THSD4: variants seen among roughly 807,000 people sequenced by gnomAD.
The protein encoded by THSD4 is thrombospondin type 1 domain containing 4, also known as thrombospondin type-1 domain-containing protein 4.
In THSD4, 69 loss-of-function variants were observed where a neutral mutation model predicts 119.0. That is an observed-to-expected ratio of 0.58 (90% CI 0.48 to 0.71). The LOEUF (loss-of-function observed/expected upper bound fraction) is 0.71, where lower values mean the gene tolerates loss of function less well. THSD4 is among the 30% of genes least tolerant of loss of function. The pLI, the probability that THSD4 is intolerant of heterozygous loss-of-function variation, is 0.00. For synonymous variants in THSD4, 524 were observed against 540.4 expected, an observed-to-expected ratio of 0.97 and a Z score of 0.42; for missense variants, 1,393 against 1,391.1, an observed-to-expected ratio of 1.00 and a Z score of -0.02.
chr15:71,378,089 C>G (rs991067420), intron 6 of THSD4, among the ~76,000 whole-genome samples: 3 of 152,242 alleles, frequency 2.0e-5, no homozygotes, highest in African/African-American at 7.2e-5. Context: ...GGTACTGCAT[C>G]TAAGGGGATA....
intron 1 of THSD4, among the ~76,000 whole-genome samples, chr15:71,107,771 T>C (rs1180364624): frequency 6.6e-6 from 1 of 152,218 alleles, no homozygotes; most frequent in Non-Finnish European, 1.5e-5. Flanking sequence ...CTGAGGATGC[T>C]AATGGGGAAG....
intron 6 of THSD4, among the ~76,000 whole-genome samples, chr15:71,265,573 C>T (rs1171367828): frequency 1.3e-5 from 2 of 151,914 alleles, no homozygotes; most frequent in Non-Finnish European, 2.9e-5. Context: ...TTTTTTCGTA[C>T]CCCAGTGGCG....
intron 7 of THSD4, among the ~76,000 whole-genome samples, chr15:71,542,266 A>G (rs2048769154): frequency 6.6e-6 from 1 of 152,172 alleles, no homozygotes. Flanking sequence ...CCTCTAAAAT[A>G]TTTATGAATT....
intron 14 of THSD4, among the ~76,000 whole-genome samples, chr15:71,755,339 G>T (rs901381836): frequency 6.6e-6 from 1 of 152,210 alleles, no homozygotes; most frequent in Admixed American, 6.5e-5. Flanking sequence ...AAGACTAGAT[G>T]TCAGCATACA....
chr15:71,134,260 C>G (rs1391900887), intron 1 of THSD4, among the ~76,000 whole-genome samples: 2 of 152,216 alleles, frequency 1.3e-5, no homozygotes, highest in African/African-American at 4.8e-5. Context: ...GAAATGTGAC[C>G]GGGCCTGGGG....
intron 7 of THSD4, among the ~76,000 whole-genome samples, chr15:71,652,393 G>C (rs922251722): frequency 9.9e-5 from 15 of 152,276 alleles, no homozygotes; most frequent in Admixed American, 2.0e-4. Flanking sequence ...GAGGTTTCTA[G>C]TATTCTATAC....
In THSD4 at chr15:71,393,236, G is replaced by A. The variant is rs111832470; in HGVS notation, c.1016-18451G>A. 6.2e-3 allele frequency among the ~76,000 whole-genome samples: 948 copies of A among 152,068 alleles called. 7 individuals carry two copies. The highest frequency in any genetic ancestry group is 9.0e-3 in the African/African-American group (374 of 41,448). ...GGGCCCGCCCCTGCCTTTTTCTCTC[G>A]GTGGTTGTGCATATTTGGACAGAAC... On this transcript the variant is annotated intron_variant, in intron 6 of 17. Coordinates refer to ENST00000261862, the MANE Select transcript of THSD4 (RefSeq NM_024817.3).
chr15:71,307,286 G>C (rs994308350), intron 6 of THSD4, among the ~76,000 whole-genome samples: 13 of 152,152 alleles, frequency 8.5e-5, no homozygotes, highest in Non-Finnish European at 1.3e-4. Flanking sequence ...GGCGGTGGCT[G>C]TGTGACCTCT....
intron 6 of THSD4, among the ~76,000 whole-genome samples, chr15:71,262,912 A>G (rs921588499): frequency 6.6e-6 from 1 of 151,976 alleles, no homozygotes; most frequent in African/African-American, 2.4e-5. Context: ...AGGCAGGGAA[A>G]GGGAACAAGT....
intron 14 of THSD4, among the ~76,000 whole-genome samples, chr15:71,753,859 C>T (rs1241335414): frequency 5.3e-5 from 8 of 152,210 alleles, no homozygotes; most frequent in Admixed American, 5.2e-4. Context: ...CTACAGGCCT[C>T]ATCCATGTGA....
At chr15:71,547,804 G>A (rs928159464) in intron 7 of THSD4, 2 of 198,504 alleles carry the variant, frequency 1.0e-5, no homozygotes, top group African/African-American at 4.7e-5. Context: ...TGCCATGTCA[G>A]ATTTCGTTAG....
At chr15:71,632,552 G>C (rs1463863740) in intron 7 of THSD4, among the ~76,000 whole-genome samples, 1 of 152,222 alleles carries the variant, frequency 6.6e-6, no homozygotes, top group African/African-American at 2.4e-5. Context: ...AGAGAGTGTT[G>C]ACTGGCTTTT....
At chr15:71,653,826 T>C (rs538560503) in intron 7 of THSD4, among the ~76,000 whole-genome samples, 30 of 152,314 alleles carry the variant, frequency 2.0e-4, no homozygotes, top group Non-Finnish European at 3.4e-4. Context: ...TGTTTTACAA[T>C]TGAGTCACTT....
chr15:71,215,752 G>A (rs2043927505), intron 4 of THSD4, among the ~76,000 whole-genome samples: 1 of 151,910 alleles, frequency 6.6e-6, no homozygotes, highest in Admixed American at 6.6e-5. Flanking sequence ...CTCAGCCTGT[G>A]TGGATTAAAG....
chr15:71,190,537 T>C (rs1479905546), intron 3 of THSD4, among the ~76,000 whole-genome samples: 1 of 152,204 alleles, frequency 6.6e-6, no homozygotes, highest in Non-Finnish European at 1.5e-5. Context: ...CTAAAACTAG[T>C]TGCTAACTCC....
chr15:71,108,432 T>G (rs544684911), intron 1 of THSD4, among the ~76,000 whole-genome samples: 2 of 152,320 alleles, frequency 1.3e-5, no homozygotes, highest in South Asian at 4.1e-4. Context: ...TTAAATATGC[T>G]TTGAGCCGGG....
chr15:71,450,477 A>G (rs1446935734), intron 7 of THSD4, among the ~76,000 whole-genome samples: 2 of 152,216 alleles, frequency 1.3e-5, no homozygotes, highest in Non-Finnish European at 2.9e-5. Context: ...TCCAGCTTCT[A>G]TCACTTACAA....
intron 7 of THSD4, among the ~76,000 whole-genome samples, chr15:71,656,057 C>T (rs944093872): frequency 6.6e-6 from 1 of 152,272 alleles, no homozygotes; most frequent in African/African-American, 2.4e-5. Context: ...TAAATGACAT[C>T]AGCTAGTGAT....
chr15:71,581,832 G>A (rs1345251492), intron 7 of THSD4, among the ~76,000 whole-genome samples: 2 of 152,118 alleles, frequency 1.3e-5, no homozygotes, highest in African/African-American at 2.4e-5. Flanking sequence ...CTGTAAACGT[G>A]TGGGTTTATT....
Sources: allele counts gnomAD v4.1 joint callset (sites outside exome capture counted in the v4.1 genomes callset), GRCh38; gene constraint gnomAD v4.1.1; transcripts MANE v1.5; gene names NCBI Gene and HGNC (gene_info 2026-07-23, HGNC 2026-07-21).